Variants in AP3D1 observed in about 807,000 individuals in gnomAD.
AP3D1 encodes AP-3 complex subunit delta-1.
A neutral mutation model predicts 147.6 loss-of-function variants in AP3D1; 51 were observed. The ratio of observed to expected loss-of-function variants is 0.35; its 90% CI spans 0.28 to 0.44. AP3D1 has a LOEUF of 0.44. Ranked by LOEUF, AP3D1 falls within the 20% of genes least tolerant of loss-of-function variation. The pLI is 1.00. For synonymous variants in AP3D1, 760 were observed against 663.0 expected, an observed-to-expected ratio of 1.15 and a Z score of -2.25; for missense variants, 1,421 against 1,624.2, an observed-to-expected ratio of 0.87 and a Z score of 2.15.
chr19:2,117,409 G>C (rs772730332), intron 15 of AP3D1, 42 bp from the exon 16 acceptor site: 2 of 1,519,550 alleles, frequency 1.3e-6, no homozygotes, highest in Admixed American at 4.0e-5. Flanking sequence ...CTGCCCGGAA[G>C]GCCACTCGGC....
At chr19:2,108,869 CAGG>C in intron 30 of AP3D1, 103 bp from the exon 31 acceptor site, 1 of 1,381,470 alleles carries the variant, frequency 7.2e-7, no homozygotes, top group Non-Finnish European at 9.9e-7. Context: ...GCCACAGCTT[CAGG>C]AGGCCTGTAG....
chr19:2,138,451 C>A (rs532425135), intron 2 of AP3D1, among the ~76,000 whole-genome samples, 168 bp downstream of exon 2: 2 of 152,218 alleles, frequency 1.3e-5, no homozygotes, highest in South Asian at 4.1e-4. Flanking sequence ...AGCCATGTGA[C>A]CAACATGGCT....
At chr19:2,134,062 T>G (rs184662395) in intron 4 of AP3D1, among the ~76,000 whole-genome samples, 129 of 151,804 alleles carry the variant, frequency 8.5e-4, no homozygotes, top group African/African-American at 2.7e-3. Context: ...GAGCCGACAT[T>G]GTACTCCAGA....
upstream of AP3D1, among the ~76,000 whole-genome samples, chr19:2,156,483 C>T (rs192778240): frequency 2.5e-4 from 38 of 152,054 alleles, no homozygotes; most frequent in Admixed American, 2.4e-3. Flanking sequence ...ACCCATCCAC[C>T]GATCCACTCA....
At chr19:2,161,637 G>A (rs1216593018) in intron 1 of AP3D1, among the ~76,000 whole-genome samples, 1 of 152,120 alleles carries the variant, frequency 6.6e-6, no homozygotes, top group African/African-American at 2.4e-5. Context: ...CCAAAGAGGA[G>A]TCTGGGGTTT....
At chr19:2,130,588 GCT>G in intron 5 of AP3D1, 51 bp from the exon 6 acceptor site, 1 of 1,604,002 alleles carries the variant, frequency 6.2e-7, no homozygotes, top group Non-Finnish European at 8.5e-7. Context: ...CCTCATCCCT[GCT>G]CTCGCCCCTC....
At chr19:2,147,111 G>A (rs1044552186) in intron 1 of AP3D1, among the ~76,000 whole-genome samples, 9 of 152,114 alleles carry the variant, frequency 5.9e-5, no homozygotes, top group Admixed American at 2.0e-4. Context: ...TTGGGAGGCC[G>A]AGGCTGGTGG....
intron 12 of AP3D1, 47 bp downstream of exon 12, chr19:2,121,687 T>G (rs562652296): frequency 2.6e-6 from 4 of 1,534,128 alleles, no homozygotes; most frequent in East Asian, 2.3e-5. Flanking sequence ...TAATGTCCCT[T>G]AGAGAACTAA....
At chr19:2,154,060 G>C (rs1196660744), upstream of AP3D1, among the ~76,000 whole-genome samples, 1 of 150,988 alleles carries the variant, frequency 6.6e-6, no homozygotes, top group Non-Finnish European at 1.5e-5. Flanking sequence ...CAATTCTCCT[G>C]CCTCAGCCTC....
chr19:2,132,811 C>T (rs1471937966), intron 4 of AP3D1, among the ~76,000 whole-genome samples: 3 of 152,142 alleles, frequency 2.0e-5, no homozygotes, highest in Non-Finnish European at 4.4e-5. Flanking sequence ...AGAGAGGAGC[C>T]GGGATGGGCG....
chr19:2,115,180 G>C, intron 20 of AP3D1, 39 bp downstream of exon 20: 3 of 1,586,280 alleles, frequency 1.9e-6, no homozygotes, highest in Non-Finnish European at 2.6e-6. Flanking sequence ...CATGCGGAAA[G>C]ATAGACATCC....
chr19:2,159,215 C>T (rs1291079369), intron 1 of AP3D1, among the ~76,000 whole-genome samples: 1 of 149,726 alleles, frequency 6.7e-6, no homozygotes, highest in East Asian at 2.0e-4. Flanking sequence ...GTTTCCATCT[C>T]TCTCTCTTTT....
intron 1 of AP3D1, among the ~76,000 whole-genome samples, chr19:2,144,882 G>A (rs1019314778): frequency 1.1e-4 from 16 of 152,090 alleles, no homozygotes; most frequent in Admixed American, 9.2e-4. Context: ...CAGCCTGGGC[G>A]ACAGAGGGAG....
At position 2,110,859 on chromosome 19, in the gene AP3D1, T is replaced by A; in HGVS notation, c.3023A>T (p.Gln1008Leu). The change falls in exon 27 of 32, where the codon CAG (glutamine) becomes CTG (leucine). Residue 1008 changes from glutamine (Q) to leucine (L), a missense_variant. By Grantham distance (113) the Gln-to-Leu change is moderately radical. Transcript: ENST00000643116. ...CTCCAGCACGATGGCCACAGTGACC[T>A]GGCTGTCCTCCTGCAGACTGCCCCG... ...DIRGSLQEDS[Q>L]VTVAIVLENR... The A allele has an allele frequency of 1.2e-6, 2 of 1,613,488 alleles. No homozygotes were observed. Among genetic ancestry groups the A allele is most frequent in the Non-Finnish European group, 1.7e-6 (2 of 1,179,976 alleles).
At chr19:2,118,853 G>A (rs749028329) in intron 14 of AP3D1, 21 bp from the exon 15 acceptor site, 3 of 1,602,414 alleles carry the variant, frequency 1.9e-6, no homozygotes, top group African/African-American at 1.3e-5. Flanking sequence ...GAAACACTGT[G>A]AGCCCCCAGG....
Position 2,151,464 on chromosome 19 carries a change from G to T in AP3D1, c.-130C>A. On this transcript the variant is annotated 5_prime_UTR_variant, in exon 1 of 32. In the 5' UTR this introduces an upstream ATG that the reference lacks. Coordinates refer to ENST00000643116, the MANE Select transcript of AP3D1 (RefSeq NM_001261826.3). ...TGCGGCGGGGCAAGCTCCCAGGCCA[G>T]GGCGGCGGCGGGGTCCAAGGACCGC... The T allele has an allele frequency of 2.3e-6, 1 of 428,552 alleles. No individual in the cohort carries two copies. Among genetic ancestry groups the T allele is most frequent in the Non-Finnish European group, 3.2e-6 (1 of 316,960 alleles). The allele number at this position is 428,552 out of a possible 1,614,324, so 26.5% of individuals were successfully genotyped here.
In AP3D1 at chr19:2,132,598, G is replaced by A. The variant is rs544783401; in HGVS notation, c.355-20C>T. 66 of 1,590,110 alleles carry A rather than the reference G, an allele frequency of 4.2e-5. No individual in the cohort carries two copies. Among genetic ancestry groups the A allele is most frequent in the Admixed American group, 3.9e-4 (23 of 59,342 alleles). ...CAAGTCCTGGAAAGTGAGAGAAAGGGGCCGTGGCCAGGATGCCCTGGGTGG... is the reference window on the plus strand; with the variant it reads ...CAAGTCCTGGAAAGTGAGAGAAAGGAGCCGTGGCCAGGATGCCCTGGGTGG... On this transcript the variant is annotated intron_variant, in intron 4 of 31. Transcript: ENST00000643116.
intron 23 of AP3D1, 43 bp from the exon 24 acceptor site, chr19:2,113,010 G>T (rs2018330394): frequency 1.3e-6 from 2 of 1,514,152 alleles, no homozygotes; most frequent in Middle Eastern, 1.7e-4. Context: ...GGCAATGAGG[G>T]GCCCCACTCC....
intron 12 of AP3D1, 33 bp from the exon 13 acceptor site, chr19:2,121,344 G>T (rs752175526): frequency 3.7e-6 from 6 of 1,610,100 alleles, no homozygotes; most frequent in Non-Finnish European, 5.1e-6. Flanking sequence ...TGGTGAGAGC[G>T]GACCCAGCCT....
Sources: allele counts gnomAD v4.1 joint callset (sites outside exome capture counted in the v4.1 genomes callset), GRCh38; gene constraint gnomAD v4.1.1; transcripts MANE v1.5; gene names NCBI Gene and HGNC (gene_info 2026-07-23, HGNC 2026-07-21).